The following SLC2A3 variants were observed in gnomAD, a reference collection of about 807,000 sequenced individuals.
The protein encoded by SLC2A3 is solute carrier family 2 member 3, also known as solute carrier family 2, facilitated glucose transporter member 3.
SLC2A3 carries 21 observed loss-of-function variants against 46.4 expected under a neutral mutation model. That is an observed-to-expected ratio of 0.45 (90% CI 0.32 to 0.65). The LOEUF (loss-of-function observed/expected upper bound fraction) is 0.65. Ranked by LOEUF, SLC2A3 falls within the 30% of genes least tolerant of loss-of-function variation. The pLI is 0.04. For missense variants in SLC2A3, 499 were observed against 623.3 expected, an observed-to-expected ratio of 0.80 and a Z score of 2.12; for synonymous variants, 213 against 239.4, an observed-to-expected ratio of 0.89 and a Z score of 1.02.
chr12:7,926,928 T>G (rs1051525935), intron 6 of SLC2A3, among the ~76,000 whole-genome samples: 1 of 152,138 alleles, frequency 6.6e-6, no homozygotes, highest in Non-Finnish European at 1.5e-5. Flanking sequence ...ATAACTACCA[T>G]AGTTAAGAGA....
At chr12:7,932,210 C>T (rs1039690682) in intron 3 of SLC2A3, among the ~76,000 whole-genome samples, 7 of 150,618 alleles carry the variant, frequency 4.6e-5, no homozygotes, top group Non-Finnish European at 8.9e-5. Context: ...TTTGCTCTTT[C>T]GCCCAGGCTG....
Position 7,920,856 on chromosome 12 carries a change from T to A in SLC2A3, c.*557A>T, listed in dbSNP as rs1946029333. On this transcript the variant is annotated 3_prime_UTR_variant, in exon 10 of 10. Coordinates refer to ENST00000075120, the MANE Select transcript of SLC2A3 (RefSeq NM_006931.3). ...CCATCATGGCATATATATACCTATG[T>A]AACAAACCTGCACATTCGGCACATG... The A allele has an allele frequency of 6.1e-6, 1 of 163,672 alleles. No individual in the cohort carries two copies. 10.1% of individuals were successfully genotyped at this position (163,672 alleles called of 1,614,324 possible).
In SLC2A3 at chr12:7,933,149, T is replaced by G; in HGVS notation, c.109-2A>C. On this transcript the variant is annotated splice_acceptor_variant, in intron 2 of 9. Transcript: ENST00000075120. LOFTEE classifies it high-confidence loss of function. ...TTTATTGATAAATTCCTTTATGATC[T>G]GCAAAATAAAAGGGTTGGTGGAAGA... 6.2e-7 allele frequency: 1 copy of G among 1,613,894 alleles called. No homozygotes were observed. Among genetic ancestry groups the G allele is most frequent in the Non-Finnish European group, 8.5e-7 (1 of 1,179,862 alleles).
chr12:7,931,251 C>G lies in SLC2A3; in HGVS notation c.504G>C (p.Val168=). The change falls in exon 4 of 10, where the codon GTG becomes GTC. Residue 168 remains valine, a synonymous_variant. Coordinates refer to ENST00000075120, the MANE Select transcript of SLC2A3 (RefSeq NM_006931.3). The stretch of plus-strand genomic sequence containing the variant: ...ATGAGAAGTTCTAGAGTACCTGGGC[C>G]ACCAGAATTCCAACAACGATGCCCA... ...NQLGIVVGIL[V]AQIFGLEFIL... is the part of the protein sequence containing the mutation. The G allele has an allele frequency of 1.2e-6, 2 of 1,614,114 alleles. No individual in the cohort carries two copies. Among genetic ancestry groups the G allele is most frequent in the Non-Finnish European group, 1.7e-6 (2 of 1,180,014 alleles).
intron 6 of SLC2A3, among the ~76,000 whole-genome samples, chr12:7,926,249 C>T (rs747357710): frequency 3.3e-5 from 5 of 152,156 alleles, no homozygotes; most frequent in African/African-American, 4.8e-5. Context: ...TGCAACCACA[C>T]GCAGCTAATT....
intron 4 of SLC2A3, among the ~76,000 whole-genome samples, chr12:7,931,038 T>C (rs952035504): frequency 1.3e-5 from 2 of 152,048 alleles, no homozygotes; most frequent in Non-Finnish European, 2.9e-5. Flanking sequence ...CCTCGTGATC[T>C]GCCCACCTCG....
Position 7,930,499 on chromosome 12 carries a change from T to C in SLC2A3, c.654A>G (p.Glu218=). The C allele has an allele frequency of 6.2e-7, 1 of 1,613,648 alleles. No homozygotes were observed. Among genetic ancestry groups the C allele is most frequent in the Non-Finnish European group, 8.5e-7 (1 of 1,179,688 alleles). ...SPRFLLINRK[E]EENAKQILQR... Reference sequence around the variant, plus strand: ...ACTCACTCTGCTTAGCATTCTCCTCTTCTTTTCTGTTAATGAGCAAAAATC... The same window carrying C: ...ACTCACTCTGCTTAGCATTCTCCTCCTCTTTTCTGTTAATGAGCAAAAATC... The change falls in exon 5 of 10, where the codon GAA becomes GAG. Residue 218 remains glutamate (E), a synonymous_variant. Transcript: ENST00000075120.
chr12:7,921,676 T>C (rs1466978632), intron 9 of SLC2A3, 45 bp from the exon 10 acceptor site: 1 of 1,575,006 alleles, frequency 6.3e-7, no homozygotes, highest in African/African-American at 1.4e-5. Context: ...AAAAATCTGG[T>C]CATTGACAAA....
intron 5 of SLC2A3, chr12:7,930,263 G>C: frequency 1.8e-6 from 1 of 557,858 alleles, no homozygotes; most frequent in Admixed American, 3.3e-5. Context: ...TTACAGGCAT[G>C]AGCCATCACA....
At chr12:7,921,658 G>T (rs1433499262) in intron 9 of SLC2A3, 27 bp from the exon 10 acceptor site, 1 of 1,598,958 alleles carries the variant, frequency 6.3e-7, no homozygotes, top group Non-Finnish European at 8.5e-7. Flanking sequence ...AAAAAGGAAG[G>T]TTGATATAAA....
At chr12:7,930,387 GA>G in intron 5 of SLC2A3, 92 bp downstream of exon 5, 2 of 1,283,856 alleles carry the variant, frequency 1.6e-6, no homozygotes, top group Non-Finnish European at 2.2e-6. Context: ...GAGAGGCAGG[GA>G]AAGAGTGTAA....
At position 7,931,582 on chromosome 12, in the gene SLC2A3, C is replaced by T; in HGVS notation, c.270-97G>A. 9 of 1,487,924 alleles carry T rather than the reference C, an allele frequency of 6.0e-6. No homozygotes were observed. In the South Asian group the frequency reaches 1.0e-4, roughly 17 times the overall value. 92.2% of individuals were successfully genotyped at this position (1,487,924 alleles called of 1,614,324 possible). A position where few individuals can be genotyped will look rare whatever the true frequency, so the allele number is the denominator to read the frequency against. Reference sequence around the variant, plus strand: ...ATTCTGTTCTTCTCCAGGCTCATATCATCCCTTTTTTTTTTAATCTAACTT... The same window carrying T: ...ATTCTGTTCTTCTCCAGGCTCATATTATCCCTTTTTTTTTTAATCTAACTT... On this transcript the variant is annotated intron_variant, in intron 3 of 9. Transcript: ENST00000075120.
intron 9 of SLC2A3, among the ~76,000 whole-genome samples, chr12:7,921,914 C>T (rs1185769449): frequency 1.3e-5 from 2 of 152,040 alleles, no homozygotes; most frequent in South Asian, 2.1e-4. Context: ...GTTTCTGGGC[C>T]GAGTGCGGTG....
chr12:7,927,337 T>G (rs1946106313), intron 6 of SLC2A3, among the ~76,000 whole-genome samples: 1 of 152,098 alleles, frequency 6.6e-6, no homozygotes. Flanking sequence ...AAACAAGCAA[T>G]AAATAGGTAT....
In SLC2A3 at chr12:7,922,886, C is replaced by A; in HGVS notation, c.1207G>T (p.Ala403Ser). ...GTCCAGTTGGAGCAGCCGGCCACTG[C>A]CATCGCAGCTGGGCGGGGGCCCTGG... Reference protein sequence around the residue: ...FSQGPRPAAMAVAGCSNWTSN... With the variant: ...FSQGPRPAAMSVAGCSNWTSN... The change falls in exon 9 of 10, where the codon GCA (alanine) becomes TCA (serine). Residue 403 changes from alanine (A) to serine (S), a missense_variant. Physicochemically the swap from Ala to Ser is moderately conservative, Grantham distance 99. Transcript: ENST00000075120. 6.2e-7 allele frequency: 1 copy of A among 1,614,136 alleles called. No individual in the cohort carries two copies. The highest frequency in any genetic ancestry group is 8.5e-7 in the Non-Finnish European group (1 of 1,180,004).
At chr12:7,935,635 AAC>A (rs1272269331) in intron 1 of SLC2A3, among the ~76,000 whole-genome samples, 4 of 152,104 alleles carry the variant, frequency 2.6e-5, no homozygotes, top group South Asian at 2.1e-4. Flanking sequence ...TGTGCCTCCA[AAC>A]ACAGACCTTT....
intron 1 of SLC2A3, among the ~76,000 whole-genome samples, chr12:7,935,177 C>T (rs776351618): frequency 2.0e-5 from 3 of 152,192 alleles, no homozygotes; most frequent in East Asian, 1.9e-4. Flanking sequence ...TTTCTTGCTG[C>T]GCGCAGTGGC....
intron 3 of SLC2A3, chr12:7,932,638 T>C (rs1282987162): frequency 9.8e-6 from 2 of 204,966 alleles, no homozygotes; most frequent in Non-Finnish European, 1.9e-5. Context: ...GGTAAAATAA[T>C]AAAAACATTT....
At chr12:7,931,852 A>G (rs1946159207) in intron 3 of SLC2A3, among the ~76,000 whole-genome samples, 1 of 151,038 alleles carries the variant, frequency 6.6e-6, no homozygotes, top group South Asian at 2.1e-4. Context: ...TGTGAATTCC[A>G]ATTGCATTTC....
Sources: allele counts gnomAD v4.1 joint callset (sites outside exome capture counted in the v4.1 genomes callset), GRCh38; gene constraint gnomAD v4.1.1; transcripts MANE v1.5; gene names NCBI Gene and HGNC (gene_info 2026-07-23, HGNC 2026-07-21).